Variants in GADD45A observed in about 807,000 individuals in gnomAD.
GADD45A encodes the protein growth arrest and DNA damage inducible alpha, also known as growth arrest and DNA damage-inducible protein GADD45 alpha.
In GADD45A, 9 loss-of-function variants were observed where a neutral mutation model predicts 17.7. The observed-to-expected ratio is 0.51, with a 90% CI of 0.31 to 0.89. GADD45A has a LOEUF of 0.89. GADD45A is among the 40% of genes least tolerant of loss of function. The probability of loss-of-function intolerance (pLI) is 0.05; values close to 1 mark genes in which losing one functional copy is unlikely to be tolerated. For missense variants in GADD45A, 149 were observed against 220.6 expected, an observed-to-expected ratio of 0.68 and a Z score of 2.06; for synonymous variants, 95 against 92.2, an observed-to-expected ratio of 1.03 and a Z score of -0.17.
rs1257137679 is a variant in GADD45A, at chr1:67,685,284, G to GAGCA, written c.-204_-201dup. 5.8e-6 allele frequency: 3 copies of GAGCA among 519,030 alleles called. No individual in the cohort carries two copies. Among genetic ancestry groups the GAGCA allele is most frequent in the Admixed American group, 4.2e-5 (1 of 23,854 alleles). The allele number at this position is 519,030 out of a possible 1,614,324, so 32.2% of individuals were successfully genotyped here. A position where few individuals can be genotyped will look rare whatever the true frequency, so the allele number is the denominator to read the frequency against. On this transcript the variant is annotated 5_prime_UTR_variant, in exon 1 of 4. Coordinates refer to ENST00000370986, the MANE Select transcript of GADD45A (RefSeq NM_001924.4). Reference sequence around the variant, plus strand: ...GCGAGGCGAGGTCCGGGGAGCGAGCGAGCAAGCAAGGCGGGAGGGGTGGCC... The same window carrying GAGCA: ...GCGAGGCGAGGTCCGGGGAGCGAGCGAGCAAGCAAGCAAGGCGGGAGGGGTGGCC...
chr1:67,687,413 A>G (rs1299095925), intron 3 of GADD45A, among the ~76,000 whole-genome samples: 1 of 152,208 alleles, frequency 6.6e-6, no homozygotes, highest in Non-Finnish European at 1.5e-5. Context: ...ATGCAAACAT[A>G]TGTATGTGGT....
chr1:67,688,048 T>G lies in GADD45A; in HGVS notation c.*274T>G, dbSNP rs1362273734. 3.0e-6 allele frequency: 1 copy of G among 336,614 alleles called. No homozygotes were observed. The highest frequency in any genetic ancestry group is 2.1e-5 in the African/African-American group (1 of 48,180). 20.9% of individuals were successfully genotyped at this position (336,614 alleles called of 1,614,324 possible). A position where few individuals can be genotyped will look rare whatever the true frequency, so the allele number is the denominator to read the frequency against. On this transcript the variant is annotated 3_prime_UTR_variant, in exon 4 of 4. Coordinates refer to ENST00000370986, the MANE Select transcript of GADD45A (RefSeq NM_001924.4). Reference sequence around the variant, plus strand: ...GAACCATGCAGGAAGGAAAACTATGTATTAATTTAGAATGGTTGAGTTACA... The same window carrying G: ...GAACCATGCAGGAAGGAAAACTATGGATTAATTTAGAATGGTTGAGTTACA...
At position 67,686,356 on chromosome 1, in the gene GADD45A, C is replaced by T; in HGVS notation, c.153C>T (p.Pro51=). 17 of 1,611,952 alleles carry T rather than the reference C, an allele frequency of 1.1e-5. No homozygotes were observed. Among genetic ancestry groups the T allele is most frequent in the Non-Finnish European group, 1.4e-5 (16 of 1,178,820 alleles). The part of the protein sequence containing the change: ...YEAAKLLNVD[P]DNVVLCLLAA... ...CCCCGCCCGCTGCCCCCAGCGACCC[C>T]GATAACGTGGTGTTGTGCCTGCTGG... Residue 51 remains proline, a synonymous_variant, in exon 3 of 4, where the codon CCC becomes CCT. Coordinates refer to ENST00000370986, the MANE Select transcript of GADD45A (RefSeq NM_001924.4).
chr1:67,686,643 A>T, intron 3 of GADD45A, 56 bp downstream of exon 3: 1 of 1,475,364 alleles, frequency 6.8e-7, no homozygotes. Context: ...GACGGGAGTC[A>T]GGGCTGGGTT....
At chr1:67,687,570 A>G (rs758643467) in intron 3 of GADD45A, 91 bp from the exon 4 acceptor site, 3 of 801,634 alleles carry the variant, frequency 3.7e-6, no homozygotes, top group Non-Finnish European at 6.2e-6. Context: ...TAGCCAAAAT[A>G]TAGAATGTTC....
chr1:67,687,594 T>C (rs1434346096), intron 3 of GADD45A, 67 bp from the exon 4 acceptor site: 5 of 979,612 alleles, frequency 5.1e-6, no homozygotes, highest in Non-Finnish European at 7.9e-6. Flanking sequence ...TGTTTTCTCC[T>C]CAAAAGTATA....
intron 3 of GADD45A, 29 bp downstream of exon 3, chr1:67,686,616 G>A: frequency 6.3e-7 from 1 of 1,580,702 alleles, no homozygotes; most frequent in Non-Finnish European, 8.6e-7. Flanking sequence ...GCAGCCTGCA[G>A]GGTAGAGCCC....
In GADD45A at chr1:67,686,369, T is replaced by G; in HGVS notation, c.166T>G (p.Leu56Val). 1 of 1,613,284 alleles carries G rather than the reference T, an allele frequency of 6.2e-7. No individual in the cohort carries two copies. Among genetic ancestry groups the G allele is most frequent in the Non-Finnish European group, 8.5e-7 (1 of 1,179,722 alleles). The change falls in exon 3 of 4, where the codon TTG (leucine) becomes GTG (valine). Residue 56 changes from leucine to valine, a missense_variant. Coordinates refer to ENST00000370986, the MANE Select transcript of GADD45A (RefSeq NM_001924.4). ...CCCCAGCGACCCCGATAACGTGGTG[T>G]TGTGCCTGCTGGCGGCGGACGAGGA... ...LLNVDPDNVV[L>V]CLLAADEDDD... is the part of the protein sequence containing the mutation.
chr1:67,686,177 C>A, intron 2 of GADD45A, 51 bp downstream of exon 2: 1 of 1,497,046 alleles, frequency 6.7e-7, no homozygotes, highest in Non-Finnish European at 9.2e-7. Context: ...CGCCCCAGCC[C>A]GGGAGGTCGC....
In GADD45A at chr1:67,685,483, G is replaced by A; in HGVS notation, c.-12G>A. The A allele has an allele frequency of 6.2e-7, 1 of 1,608,812 alleles. No individual in the cohort carries two copies. The highest frequency in any genetic ancestry group is 8.5e-7 in the Non-Finnish European group (1 of 1,177,416). On this transcript the variant is annotated 5_prime_UTR_variant, in exon 1 of 4. Transcript: ENST00000370986. ...GCCGCGCTCTCTCCCTGGGCGACCT[G>A]CAGTTTGCAATATGACTTTGGAGGA...
Position 67,686,988 on chromosome 1 carries a change from T to C in GADD45A, c.384+401T>C, listed in dbSNP as rs116264280. On this transcript the variant is annotated intron_variant, in intron 3 of 3. Transcript: ENST00000370986. ...CAGTCAGAGCTAAAAATAGAAATTG[T>C]GTAGGAGACAAACCTTGTTAATTCC... Among the ~76,000 whole-genome samples the C allele has an allele frequency of 3.8e-3, 572 of 152,254 alleles. 4 individuals are homozygous for C. Among genetic ancestry groups the C allele is most frequent in the African/African-American group, 0.013 (541 of 41,546 alleles).
intron 1 of GADD45A, 76 bp downstream of exon 1, chr1:67,685,614 G>A: frequency 6.8e-7 from 1 of 1,467,488 alleles, no homozygotes; most frequent in Non-Finnish European, 9.4e-7. Flanking sequence ...CCGGGCTGTG[G>A]AAGGCTTGCA....
rs1416316429 is a variant in GADD45A at position 67,685,457 on chromosome 1, C to T, written c.-38C>T. 1.9e-6 allele frequency: 3 copies of T among 1,587,848 alleles called. No individual in the cohort carries two copies. In the South Asian group the frequency reaches 3.4e-5, roughly 18 times the overall value. On this transcript the variant is annotated 5_prime_UTR_variant, in exon 1 of 4. It adds an upstream start codon to the 5' untranslated region. Coordinates refer to ENST00000370986, the MANE Select transcript of GADD45A (RefSeq NM_001924.4). ...CTAGCCGTGGCAGGAGCAGCCCGCACGCCGCGCTCTCTCCCTGGGCGACCT... is the reference window on the plus strand; with the variant it reads ...CTAGCCGTGGCAGGAGCAGCCCGCATGCCGCGCTCTCTCCCTGGGCGACCT...
Position 67,686,064 on chromosome 1 carries a change from C to G in GADD45A, c.84C>G (p.Ser28Arg), listed in dbSNP as rs1557583288. ...KVGDALEEVL[S>R]KALSQRTITV... ...GGGATGCCCTGGAGGAAGTGCTCAGCAAAGCCCTGAGTCAGCGCACGATCA... is the reference window on the plus strand; with the variant it reads ...GGGATGCCCTGGAGGAAGTGCTCAGGAAAGCCCTGAGTCAGCGCACGATCA... The change falls in exon 2 of 4, where the codon AGC becomes AGG. Residue 28 changes from serine to arginine, a missense_variant. Ser to Arg is a moderately radical substitution (Grantham distance 110, BLOSUM62 -1). Coordinates refer to ENST00000370986, the MANE Select transcript of GADD45A (RefSeq NM_001924.4). 2 of 1,609,092 alleles carry G rather than the reference C, an allele frequency of 1.2e-6. No homozygotes were observed. The highest frequency in any genetic ancestry group is 1.7e-6 in the Non-Finnish European group (2 of 1,178,090).
At chr1:67,685,565 C>G in intron 1 of GADD45A, 27 bp downstream of exon 1, 1 of 1,592,850 alleles carries the variant, frequency 6.3e-7, no homozygotes, top group Non-Finnish European at 8.6e-7. Context: ...ACTCTTCCGG[C>G]CCGAACTTCT....
rs768317163 is a variant in GADD45A, at chr1:67,686,019, G to A, written c.45-6G>A. 3.8e-6 allele frequency: 6 copies of A among 1,597,202 alleles called. No homozygotes were observed. In the African/African-American group the frequency reaches 4.1e-5, roughly 11 times the overall value. On this transcript the variant is annotated splice_region_variant and splice_polypyrimidine_tract_variant and intron_variant, in intron 1 of 3. Transcript: ENST00000370986. The stretch of plus-strand genomic sequence containing the variant: ...GACGGGACCCCTCGCCCTTGCCCGC[G>A]TGTAGGATGGATAAGGTGGGGGATG...
rs546802097 is a variant in GADD45A, at chr1:67,686,259, C to A, written c.147-91C>A. 8.7e-6 allele frequency: 12 copies of A among 1,378,882 alleles called. No individual in the cohort carries two copies. In the African/African-American group the frequency reaches 1.6e-4, roughly 19 times the overall value. 85.4% of individuals were successfully genotyped at this position (1,378,882 alleles called of 1,614,324 possible). On this transcript the variant is annotated intron_variant, in intron 2 of 3. Transcript: ENST00000370986. ...TCTGCCTGTCTCGGAAGGGAGGGGG[C>A]GAGCGGGCCGGGCGGCGACCCCCAG...
At position 67,685,902 on chromosome 1, in the gene GADD45A, A is replaced by G. The variant is rs975326191; in HGVS notation, c.45-123A>G. 3.8e-5 allele frequency: 25 copies of G among 654,848 alleles called. No individual in the cohort carries two copies. In the African/African-American group the frequency reaches 4.4e-4, roughly 11 times the overall value. The allele number at this position is 654,848 out of a possible 1,614,324, so 40.6% of individuals were successfully genotyped here. On this transcript the variant is annotated intron_variant, in intron 1 of 3. Coordinates refer to ENST00000370986, the MANE Select transcript of GADD45A (RefSeq NM_001924.4). ...GGCCGCGGGAGCGCCGGGTTTTCGT[A>G]GAGCCCAGGTGCGCGGTGGTGCTTG...
At position 67,686,460 on chromosome 1, in the gene GADD45A, A is replaced by C; in HGVS notation, c.257A>C (p.Asp86Ala). Reference sequence around the variant, plus strand: ...ATCCAGGCGTTTTGCTGCGAGAACGACATCAACATCCTGCGCGTCAGCAAC... The same window carrying C: ...ATCCAGGCGTTTTGCTGCGAGAACGCCATCAACATCCTGCGCGTCAGCAAC... ...TLIQAFCCEN[D>A]INILRVSNPG... is the part of the protein sequence containing the mutation. Residue 86 changes from aspartate (D) to alanine (A), a missense_variant, in exon 3 of 4, where the codon GAC becomes GCC. Physicochemically the swap from Asp to Ala is moderately radical, Grantham distance 126 (BLOSUM62 -2). Transcript: ENST00000370986. 1 of 1,613,810 alleles carries C rather than the reference A, an allele frequency of 6.2e-7. No individual in the cohort carries two copies. The highest frequency in any genetic ancestry group is 1.1e-5 in the South Asian group (1 of 91,082).
Sources: allele counts gnomAD v4.1 joint callset (sites outside exome capture counted in the v4.1 genomes callset), GRCh38; gene constraint gnomAD v4.1.1; transcripts MANE v1.5; gene names NCBI Gene and HGNC (gene_info 2026-07-23, HGNC 2026-07-21).